Variants in SYTL5 observed in about 807,000 individuals in gnomAD.
The protein encoded by SYTL5 is synaptotagmin like 5.
SYTL5 carries 34 observed loss-of-function variants against 55.9 expected under a neutral mutation model. That is an observed-to-expected ratio of 0.61 (90% CI 0.46 to 0.81). The LOEUF (loss-of-function observed/expected upper bound fraction) is 0.81. Among genes scored for constraint, SYTL5 ranks in the 30% least tolerant of loss-of-function variants. The pLI is 0.00. For missense variants in SYTL5, 637 were observed against 546.7 expected (o/e 1.17, Z -1.65); for synonymous variants, 221 against 188.7 (o/e 1.17, Z -1.40).
At chrX:38,051,950 T>C (rs1195808330) in intron 2 of SYTL5, among the ~76,000 whole-genome samples, 2 of 111,425 alleles carry the variant, frequency 1.8e-5, no homozygotes, top group Non-Finnish European at 3.8e-5. Flanking sequence ...GGAGAAATGA[T>C]GGATAATGAG....
At chrX:38,104,765 A>G (rs1937163823) in intron 10 of SYTL5, among the ~76,000 whole-genome samples, 1 of 112,063 alleles carries the variant, frequency 8.9e-6, no homozygotes, top group Admixed American at 9.4e-5. Flanking sequence ...TCATCCACGA[A>G]AGACCTCCAG....
chrX:38,074,905 A>G (rs1456857814), intron 5 of SYTL5, among the ~76,000 whole-genome samples: 2 of 102,863 alleles, frequency 1.9e-5, no homozygotes, highest in Non-Finnish European at 4.0e-5. Context: ...ACACCCCCTC[A>G]ACACACACAC....
At chrX:38,027,722 A>G (rs1228973420) in intron 1 of SYTL5, among the ~76,000 whole-genome samples, 1 of 111,752 alleles carries the variant, frequency 8.9e-6, no homozygotes, top group Non-Finnish European at 1.9e-5. Flanking sequence ...ATTGGCTTTG[A>G]TGGAATTCTG....
chrX:38,029,569 C>G (rs1289216579), intron 1 of SYTL5, among the ~76,000 whole-genome samples: 1 of 111,226 alleles, frequency 9.0e-6, no homozygotes, highest in Admixed American at 9.6e-5. Flanking sequence ...ATCACATGTC[C>G]CCAGGTCTTA....
intron 2 of SYTL5, among the ~76,000 whole-genome samples, chrX:38,039,556 A>G (rs952733800): frequency 1.1e-4 from 12 of 112,266 alleles, no homozygotes; most frequent in African/African-American, 3.6e-4. Context: ...ACACCTAAAA[A>G]CAAATACTGT....
intron 9 of SYTL5, among the ~76,000 whole-genome samples, chrX:38,098,563 G>A (rs1009354695): frequency 3.6e-5 from 4 of 110,381 alleles, no homozygotes; most frequent in Non-Finnish European, 5.7e-5. Flanking sequence ...ATGAGGATGC[G>A]GAGAAATTGG....
At chrX:38,021,579 T>C (rs781751233) in intron 1 of SYTL5, among the ~76,000 whole-genome samples, 35 of 112,017 alleles carry the variant, frequency 3.1e-4, no homozygotes, top group African/African-American at 1.1e-3. Flanking sequence ...GCATAGTCCT[T>C]AGCATTGTTC....
At chrX:37,924,733 A>G in the SYTL5 span, among the ~76,000 whole-genome samples, 1 of 111,389 alleles carries the variant, frequency 9.0e-6, no homozygotes, top group African/African-American at 3.3e-5. Flanking sequence ...GATAAATATT[A>G]GTTATACATA....
chrX:37,905,746 TC>T, the SYTL5 span, among the ~76,000 whole-genome samples: 1 of 112,215 alleles, frequency 8.9e-6, no homozygotes, highest in Non-Finnish European at 1.9e-5. Context: ...CAGCCCGGGG[TC>T]ATGGGGTCCT....
rs768337875 is a variant in SYTL5 at position 38,033,865 on chromosome X, T to C, written c.-25T>C. On this transcript the variant is annotated 5_prime_UTR_variant, in exon 2 of 17. Transcript: ENST00000297875. The stretch of plus-strand genomic sequence containing the variant: ...ACCTTCTTGAAGATTCAACCACTGC[T>C]ACTCAGAGCTGCTGCTGAAATACCA... 1 of 917,525 alleles carries C rather than the reference T, an allele frequency of 1.1e-6. No individual in the cohort carries two copies. The highest frequency in any genetic ancestry group is 2.4e-5 in the Admixed American group (1 of 41,989). The allele number at this position is 917,525 out of a possible 1,213,427, so 75.6% of individuals were successfully genotyped here.
upstream of SYTL5, among the ~76,000 whole-genome samples, chrX:38,006,303 G>A (rs1364147378): frequency 8.9e-6 from 1 of 111,746 alleles, no homozygotes; most frequent in Non-Finnish European, 1.9e-5. Flanking sequence ...AGGGGTAGAA[G>A]AATATTAAAA....
At chrX:37,981,952 C>A in the SYTL5 span, among the ~76,000 whole-genome samples, 16 of 111,511 alleles carry the variant, frequency 1.4e-4, no homozygotes, top group African/African-American at 5.2e-4. Context: ...TAGAGGGGAC[C>A]AATACCCAGA....
At chrX:37,936,879 T>TA in the SYTL5 span, among the ~76,000 whole-genome samples, 14,021 of 99,325 alleles carry the variant, frequency 0.14, 1,440 homozygotes, top group African/African-American at 0.33. Context: ...CTGTCTCTCT[T>TA]AAAAAAAAAA....
chrX:38,089,479 G>A lies in SYTL5; in HGVS notation c.723G>A (p.Gln241=), dbSNP rs748741735. ...GSTGSSDLND[Q]EPGPRTPKSS... is the part of the protein sequence containing the mutation. ...CTGGCTCATCAGATCTCAATGACCA[G>A]GAACCTGGTCCTAGGACCCCGAAGA... Residue 241 remains glutamine, a synonymous_variant, in exon 7 of 17, where the codon CAG becomes CAA. Transcript: ENST00000297875. The A allele has an allele frequency of 4.1e-6, 5 of 1,210,198 alleles. No individual in the cohort carries two copies. Among genetic ancestry groups the A allele is most frequent in the Non-Finnish European group, 3.4e-6 (3 of 894,894 alleles).
At chrX:37,915,159 C>T in the SYTL5 span, among the ~76,000 whole-genome samples, 20 of 110,942 alleles carry the variant, frequency 1.8e-4, no homozygotes, top group Admixed American at 1.5e-3. Flanking sequence ...TGTGTGTGTG[C>T]GCGCGCATGC....
At chrX:38,056,889 G>C in intron 3 of SYTL5, among the ~76,000 whole-genome samples, 1 of 111,306 alleles carries the variant, frequency 9.0e-6, no homozygotes, top group Non-Finnish European at 1.9e-5. Flanking sequence ...TTAATCCCTT[G>C]TCAGATGGGT....
chrX:37,894,825 C>A, the SYTL5 span, among the ~76,000 whole-genome samples: 10 of 1,435 alleles, frequency 7.0e-3, no homozygotes, highest in African/African-American at 0.1. Context: ...CTGTTTGAGC[C>A]TGAGACATGC....
the SYTL5 span, chrX:37,946,363 A>G: frequency 1.2e-5 from 2 of 166,284 alleles, no homozygotes; most frequent in Non-Finnish European, 2.3e-5. Flanking sequence ...GCCTGCATAG[A>G]TTCTTTTACC....
chrX:37,916,585 G>T, the SYTL5 span, among the ~76,000 whole-genome samples: 6 of 112,138 alleles, frequency 5.4e-5, no homozygotes, highest in African/African-American at 1.9e-4. Context: ...GTTTGTATGA[G>T]TCTGATTAGG....
Sources: gnomAD v4.1 joint callset for allele counts (sites outside exome capture counted in the v4.1 genomes callset) on GRCh38, gnomAD v4.1.1 for gene constraint, MANE v1.5 for transcripts, NCBI Gene and HGNC (gene_info 2026-07-23, HGNC 2026-07-21) for gene names.